Variants in NF1 observed in about 807,000 individuals in gnomAD.
NF1 encodes the protein neurofibromin.
In NF1, 122 loss-of-function variants were observed where a neutral mutation model predicts 325.7. The observed-to-expected ratio is 0.37, with a 90% CI of 0.32 to 0.44. The LOEUF (loss-of-function observed/expected upper bound fraction) is 0.44. Ranked by LOEUF, NF1 falls within the 20% of genes least tolerant of loss-of-function variation. The pLI is 1.00. For missense variants in NF1, 2,140 were observed against 3,415.4 expected, an observed-to-expected ratio of 0.63 and a Z score of 9.31; for synonymous variants, 1,091 against 1,186.0, an observed-to-expected ratio of 0.92 and a Z score of 1.65.
chr17:31,229,808 T>C, intron 21 of NF1, 27 bp from the exon 22 acceptor site: 1 of 1,611,100 alleles, frequency 6.2e-7, no homozygotes, highest in Non-Finnish European at 8.5e-7. Flanking sequence ...TGATGGCAAA[T>C]CATTAATGTA....
intron 36 of NF1, chr17:31,296,598 C>G (rs894863122): frequency 3.3e-5 from 15 of 454,626 alleles, no homozygotes; most frequent in Admixed American, 1.4e-4. Flanking sequence ...CTCCCTCCCC[C>G]CTTTTCTAAC....
chr17:31,095,410 G>C (rs1171484356), intron 1 of NF1, 41 bp downstream of exon 1: 1 of 1,530,668 alleles, frequency 6.5e-7, no homozygotes, highest in East Asian at 2.4e-5. Flanking sequence ...AGCGGAGTGG[G>C]GGTGGGGACA....
In NF1 at chr17:31,327,700, A is replaced by G. The variant is rs370858405; in HGVS notation, c.5470A>G (p.Ile1824Val). ...HQECEAIVQS[I>V]IHIRTRWELS... ...GGAGTGTGAAGCCATTGTCCAGTCT[A>G]TCATTCATATCCGGACCCGCTGGGA... The change falls in exon 38 of 58, where the codon ATC (isoleucine) becomes GTC (valine). Residue 1824 changes from isoleucine to valine, a missense_variant. Transcript: ENST00000358273. 17 of 1,614,032 alleles carry G rather than the reference A, an allele frequency of 1.1e-5. No individual in the cohort carries two copies. The highest frequency in any genetic ancestry group is 4.4e-5 in the South Asian group (4 of 91,084).
At chr17:31,130,084 G>GTT (rs57737463) in intron 1 of NF1, among the ~76,000 whole-genome samples, 9 of 138,432 alleles carry the variant, frequency 6.5e-5, no homozygotes, top group South Asian at 2.2e-4. Flanking sequence ...GTTTTTTTTT[G>GTT]TTTTTTTTTT....
chr17:31,342,940 A>G, intron 47 of NF1, 69 bp from the exon 48 acceptor site: 3 of 1,589,956 alleles, frequency 1.9e-6, no homozygotes, highest in Non-Finnish European at 2.6e-6. Context: ...TTGAACACAA[A>G]ATTAAGTGAG....
chr17:31,254,662 A>G (rs772746409), intron 31 of NF1, among the ~76,000 whole-genome samples: 3 of 152,024 alleles, frequency 2.0e-5, no homozygotes, highest in Non-Finnish European at 2.9e-5. Context: ...TCTCTAGAGC[A>G]TGTTTTCTAG....
At chr17:31,195,849 A>G (rs1010207238) in intron 8 of NF1, among the ~76,000 whole-genome samples, 3 of 152,022 alleles carry the variant, frequency 2.0e-5, no homozygotes, top group African/African-American at 7.2e-5. Context: ...TGGATTTTTC[A>G]GTTGTTTCCA....
chr17:31,111,041 C>G (rs1001890078), intron 1 of NF1, among the ~76,000 whole-genome samples: 4 of 151,954 alleles, frequency 2.6e-5, no homozygotes, highest in Non-Finnish European at 5.9e-5. Context: ...CAAAACAAGA[C>G]AGAACAAAAT....
At chr17:31,368,517 T>C (rs1298303289) in intron 57 of NF1, among the ~76,000 whole-genome samples, 1 of 152,220 alleles carries the variant, frequency 6.6e-6, no homozygotes, top group Non-Finnish European at 1.5e-5. Flanking sequence ...TACGCCTCCA[T>C]GAATGTATTT....
intron 40 of NF1, among the ~76,000 whole-genome samples, chr17:31,335,650 A>G (rs2069647535): frequency 6.6e-6 from 1 of 151,680 alleles, no homozygotes; most frequent in Non-Finnish European, 1.5e-5. Flanking sequence ...GCAGCCCTAG[A>G]AAACATCCTG....
intron 48 of NF1, chr17:31,345,940 A>G (rs200417476): frequency 2.4e-5 from 39 of 1,604,548 alleles, no homozygotes; most frequent in Non-Finnish European, 3.2e-5. Context: ...CTGGACTTCA[A>G]TCCACCTCAT....
intron 1 of NF1, among the ~76,000 whole-genome samples, chr17:31,111,880 T>G (rs1308008650): frequency 6.6e-6 from 1 of 152,198 alleles, no homozygotes; most frequent in African/African-American, 2.4e-5. Context: ...TTTTTATTGC[T>G]GTTTTTAGGA....
intron 29 of NF1, among the ~76,000 whole-genome samples, chr17:31,236,466 G>A (rs1283621915): frequency 6.6e-6 from 1 of 152,128 alleles, no homozygotes; most frequent in Non-Finnish European, 1.5e-5. Context: ...TTGAGACAGA[G>A]TCTCACTCTG....
intron 36 of NF1, among the ~76,000 whole-genome samples, chr17:31,276,480 T>C (rs2068012296): frequency 6.6e-6 from 1 of 152,192 alleles, no homozygotes; most frequent in Non-Finnish European, 1.5e-5. Flanking sequence ...CCCTTGTCTG[T>C]AATCTGAAAC....
chr17:31,288,260 G>C, intron 36 of NF1, among the ~76,000 whole-genome samples: 1 of 151,914 alleles, frequency 6.6e-6, no homozygotes, highest in Non-Finnish European at 1.5e-5. Flanking sequence ...TAACAAAGTT[G>C]GGGCTGTTGA....
At chr17:31,192,633 TGGAAA>T (rs2066366250) in intron 8 of NF1, among the ~76,000 whole-genome samples, 2 of 152,168 alleles carry the variant, frequency 1.3e-5, no homozygotes, top group Non-Finnish European at 2.9e-5. Flanking sequence ...CTCCTGGATC[TGGAAA>T]GGAAAGAAGG....
chr17:31,362,800 A>G (rs1431922774), intron 57 of NF1, among the ~76,000 whole-genome samples: 2 of 152,148 alleles, frequency 1.3e-5, no homozygotes, highest in Admixed American at 1.3e-4. Flanking sequence ...ATTTCTGCCT[A>G]TCTTTGCCCA....
Position 31,330,340 on chromosome 17 carries a change from A to G in NF1, c.5654A>G (p.Asn1885Ser). Residue 1885 changes from asparagine (N) to serine (S), a missense_variant, in exon 39 of 58, where the codon AAT becomes AGT. Transcript: ENST00000358273. ...CTGTGTGCCTTAACTTGTACCTTTA[A>G]TTTAAAAATCGAGGGCCAGTTACTA... ...NLLCALTCTF[N>S]LKIEGQLLET... The G allele has an allele frequency of 6.2e-7, 1 of 1,614,056 alleles. No individual in the cohort carries two copies. Among genetic ancestry groups the G allele is most frequent in the South Asian group, 1.1e-5 (1 of 91,080 alleles).
intron 1 of NF1, among the ~76,000 whole-genome samples, chr17:31,143,751 G>T (rs1230880720): frequency 2.0e-5 from 3 of 152,112 alleles, no homozygotes; most frequent in Non-Finnish European, 4.4e-5. Context: ...TACAGATTGT[G>T]CTGTAAGAGC....
Sources: gnomAD v4.1 joint callset for allele counts (sites outside exome capture counted in the v4.1 genomes callset) on GRCh38, gnomAD v4.1.1 for gene constraint, MANE v1.5 for transcripts, NCBI Gene and HGNC (gene_info 2026-07-23, HGNC 2026-07-21) for gene names.